The following SCAPER variants were observed in gnomAD, a reference collection of about 807,000 sequenced individuals.
SCAPER encodes the protein S-phase cyclin A associated protein in the ER.
A neutral mutation model predicts 182.2 loss-of-function variants in SCAPER; 98 were observed. The ratio of observed to expected loss-of-function variants is 0.54; its 90% confidence interval spans 0.46 to 0.64. The LOEUF is 0.64. SCAPER is among the 30% of genes least tolerant of loss of function. The pLI is 0.00. For synonymous variants in SCAPER, 605 were observed against 564.6 expected (o/e 1.07, Z -1.01); for missense variants, 1,432 against 1,690.0 (o/e 0.85, Z 2.68).
intron 23 of SCAPER, among the ~76,000 whole-genome samples, chr15:76,536,854 G>A (rs979387311): frequency 1.2e-4 from 18 of 152,152 alleles, no homozygotes; most frequent in African/African-American, 4.3e-4. Context: ...AAGCTGATAA[G>A]CAACTTCAGC....
chr15:76,521,381 T>C (rs2042822276), intron 23 of SCAPER, among the ~76,000 whole-genome samples: 1 of 78,888 alleles, frequency 1.3e-5, no homozygotes, highest in South Asian at 5.9e-4. Context: ...GAAGACCAAA[T>C]CTAAGGTCAG....
At chr15:76,703,733 A>G (rs1480762618) in intron 18 of SCAPER, among the ~76,000 whole-genome samples, 1 of 152,142 alleles carries the variant, frequency 6.6e-6, no homozygotes, top group Non-Finnish European at 1.5e-5. Context: ...CATTTCATGT[A>G]TGCCTCTCTT....
At chr15:76,766,191 G>A (rs1233688324) in intron 11 of SCAPER, among the ~76,000 whole-genome samples, 4 of 151,992 alleles carry the variant, frequency 2.6e-5, no homozygotes, top group Non-Finnish European at 5.9e-5. Context: ...CCGCCTCCCG[G>A]GTTCAAACTA....
At chr15:76,442,849 G>C (rs2047710866) in intron 25 of SCAPER, among the ~76,000 whole-genome samples, 1 of 152,132 alleles carries the variant, frequency 6.6e-6, no homozygotes, top group East Asian at 1.9e-4. Context: ...CTCAATCTCT[G>C]AGACCTCTTT....
rs7359240 is a variant in SCAPER at position 76,770,426 on chromosome 15, G to A, written c.1248+1316C>T. Among the ~76,000 whole-genome samples, 1,259 of 151,820 alleles carry A rather than the reference G, an allele frequency of 8.3e-3. 18 individuals are homozygous for A. Among genetic ancestry groups the A allele is most frequent in the African/African-American group, 0.029 (1,204 of 41,406 alleles). ...AGGAATTCTCTGTAACTCTCCACTT[G>A]GGAACTAAACAATAAGGTGCTTATC... On this transcript the variant is annotated intron_variant, in intron 10 of 31. Transcript: ENST00000563290.
At chr15:76,485,495 A>T (rs1417268391) in intron 24 of SCAPER, among the ~76,000 whole-genome samples, 1 of 152,232 alleles carries the variant, frequency 6.6e-6, no homozygotes, top group Non-Finnish European at 1.5e-5. Context: ...ATTCCCATTA[A>T]ATTACCATTG....
At chr15:76,603,817 C>T (rs2050113790) in intron 22 of SCAPER, among the ~76,000 whole-genome samples, 1 of 122,166 alleles carries the variant, frequency 8.2e-6, no homozygotes, top group African/African-American at 2.5e-5. Flanking sequence ...CTGTTGGCTG[C>T]ATAAATGTCT....
Position 76,703,358 on chromosome 15 carries a change from A to T in SCAPER, c.2248-356T>A, listed in dbSNP as rs554018338. 8.1e-4 allele frequency among the ~76,000 whole-genome samples: 123 copies of T among 152,344 alleles called. 2 individuals are homozygous for T. The South Asian group carries it at 0.025, about 31-fold the overall frequency. On this transcript the variant is annotated intron_variant, in intron 18 of 31. Coordinates refer to ENST00000563290, the MANE Select transcript of SCAPER (RefSeq NM_020843.4). ...TCAATGCACCTAGCTTTTAGTAGGC[A>T]TCAACTTACAAATTATTTGCCAATA...
At chr15:76,664,882 C>T (rs950289976) in intron 21 of SCAPER, among the ~76,000 whole-genome samples, 1 of 152,174 alleles carries the variant, frequency 6.6e-6, no homozygotes, top group Non-Finnish European at 1.5e-5. Context: ...TATCTAAACA[C>T]TGAAACTACA....
At chr15:76,434,443 C>A (rs2047064233) in intron 25 of SCAPER, 133 bp from the exon 26 acceptor site, 1 of 659,182 alleles carries the variant, frequency 1.5e-6, no homozygotes, top group East Asian at 2.7e-5. Context: ...GCTCTGAAAT[C>A]AGACTGCAAG....
In SCAPER at chr15:76,765,601, A is replaced by G. The variant is rs749344788; in HGVS notation, c.1457T>C (p.Met486Thr). The part of the protein sequence containing the change: ...MGSGSVSFCG[M>T]SMDWNDVLAD... ...AAGGACATCGTTCCAGTCCATGGAC[A>G]TACCACAGAAAGAAACACTCCCACT... Residue 486 changes from methionine to threonine, a missense_variant, in exon 12 of 32, where the codon ATG (methionine) becomes ACG (threonine). This residue lies in a region of SCAPER where 128 missense variants were observed against 149.9 expected (regional missense o/e 0.85). Transcript: ENST00000563290. 6.3e-7 allele frequency: 1 copy of G among 1,588,542 alleles called. No homozygotes were observed. The highest frequency in any genetic ancestry group is 1.8e-5 in the Admixed American group (1 of 56,036).
At chr15:76,836,969 T>C (rs373072613) in intron 5 of SCAPER, among the ~76,000 whole-genome samples, 17 of 152,260 alleles carry the variant, frequency 1.1e-4, no homozygotes, top group African/African-American at 4.1e-4. Context: ...TGGATATATG[T>C]CTTGGCAACA....
intron 7 of SCAPER, among the ~76,000 whole-genome samples, chr15:76,796,804 T>C (rs929229015): frequency 4.6e-5 from 7 of 152,228 alleles, no homozygotes; most frequent in African/African-American, 1.4e-4. Context: ...TTCATTTGCA[T>C]ATATATCTTT....
chr15:76,577,411 C>T (rs1002768829), intron 22 of SCAPER, among the ~76,000 whole-genome samples: 15 of 152,048 alleles, frequency 9.9e-5, no homozygotes, highest in South Asian at 4.1e-4. Flanking sequence ...CATGCCACTG[C>T]GCTCTAGCCT....
intron 1 of SCAPER, among the ~76,000 whole-genome samples, chr15:76,885,727 C>T (rs977528205): frequency 3.3e-5 from 5 of 152,114 alleles, no homozygotes; most frequent in Non-Finnish European, 5.9e-5. Context: ...TCAAGCAATC[C>T]ACCCACCTCA....
chr15:76,653,438 G>T (rs1295322696), intron 21 of SCAPER, among the ~76,000 whole-genome samples: 1 of 152,124 alleles, frequency 6.6e-6, no homozygotes, highest in African/African-American at 2.4e-5. Flanking sequence ...TAAAGCCGGA[G>T]AATCACACTA....
At chr15:76,527,329 T>C (rs1319083987) in intron 23 of SCAPER, among the ~76,000 whole-genome samples, 1 of 152,208 alleles carries the variant, frequency 6.6e-6, no homozygotes, top group African/African-American at 2.4e-5. Flanking sequence ...AGGCTTTTTG[T>C]TTTATTCTGT....
intron 8 of SCAPER, among the ~76,000 whole-genome samples, chr15:76,779,958 C>T (rs888022657): frequency 2.0e-5 from 3 of 152,206 alleles, no homozygotes; most frequent in East Asian, 1.9e-4. Flanking sequence ...CAGCTCCCAG[C>T]GTGATCGACG....
chr15:76,423,983 G>C (rs1356089646), intron 26 of SCAPER, among the ~76,000 whole-genome samples: 1 of 152,206 alleles, frequency 6.6e-6, no homozygotes, highest in African/African-American at 2.4e-5. Flanking sequence ...TGGTCTGAGA[G>C]ACAGTTTGTT....
Sources: allele counts gnomAD v4.1 joint callset (sites outside exome capture counted in the v4.1 genomes callset), GRCh38; gene constraint gnomAD v4.1.1; regional missense constraint gnomAD v4.1.1; transcripts MANE v1.5; gene names NCBI Gene and HGNC (gene_info 2026-07-23, HGNC 2026-07-21).